Variants in SCD5 observed in about 807,000 individuals in gnomAD.
SCD5 encodes acyl-CoA-desaturase 4.
A neutral mutation model predicts 30.4 loss-of-function variants in SCD5; 20 were observed. The observed-to-expected ratio is 0.66, with a 90% CI of 0.46 to 0.96. SCD5 has a LOEUF of 0.96. SCD5 is among the 40% of genes least tolerant of loss of function. The probability of loss-of-function intolerance (pLI) is 0.00; values close to 1 mark genes in which losing one functional copy is unlikely to be tolerated. For missense variants in SCD5, 381 were observed against 443.3 expected (o/e 0.86, Z 1.26); for synonymous variants, 173 against 176.4 (o/e 0.98, Z 0.16).
At chr4:82,633,954 T>G (rs901861985) in intron 4 of SCD5, among the ~76,000 whole-genome samples, 4 of 152,188 alleles carry the variant, frequency 2.6e-5, no homozygotes, top group African/African-American at 9.6e-5. Flanking sequence ...CTGTTTTCTA[T>G]CTGTGTAGAT....
chr4:82,723,494 G>A (rs1397100766), intron 1 of SCD5, among the ~76,000 whole-genome samples: 1 of 151,994 alleles, frequency 6.6e-6, no homozygotes, highest in Non-Finnish European at 1.5e-5. Flanking sequence ...AATTTTTTCT[G>A]TAAATAAAAT....
intron 1 of SCD5, among the ~76,000 whole-genome samples, chr4:82,736,417 T>C (rs904276193): frequency 2.6e-5 from 4 of 151,960 alleles, no homozygotes; most frequent in African/African-American, 9.7e-5. Context: ...GAGACCAGCC[T>C]GGCCAACATG....
intron 3 of SCD5, among the ~76,000 whole-genome samples, chr4:82,649,528 T>C (rs1477849198): frequency 1.3e-5 from 2 of 152,322 alleles, no homozygotes; most frequent in African/African-American, 4.8e-5. Context: ...TGCTCCATCC[T>C]GTGTGCCACC....
In SCD5 at chr4:82,653,711, G is replaced by GATAGAT. The variant is rs1553914422; in HGVS notation, c.570-16894_570-16889dup. ...ATAGATAGATAGATAGATAGATATAGATAGATAGATAGATATAGATAGATA... is the reference window on the plus strand; with the variant it reads ...ATAGATAGATAGATAGATAGATATAGATAGATATAGATAGATAGATATAGATAGATA... On this transcript the variant is annotated intron_variant, in intron 3 of 4. Coordinates refer to ENST00000319540, the MANE Select transcript of SCD5 (RefSeq NM_001037582.3). Among the ~76,000 whole-genome samples the GATAGAT allele has an allele frequency of 7.5e-4, 110 of 147,516 alleles. No individual in the cohort carries two copies. The Middle Eastern group carries it at 0.011, about 15-fold the overall frequency.
At chr4:82,672,203 A>C (rs1380358090) in intron 3 of SCD5, among the ~76,000 whole-genome samples, 1 of 152,152 alleles carries the variant, frequency 6.6e-6, no homozygotes, top group African/African-American at 2.4e-5. Context: ...AATAAAAATT[A>C]GAGCAGAGAG....
At chr4:82,772,712 G>A (rs1721654226) in intron 1 of SCD5, among the ~76,000 whole-genome samples, 2 of 152,304 alleles carry the variant, frequency 1.3e-5, no homozygotes, top group African/African-American at 2.4e-5. Flanking sequence ...ACCTCTTGTA[G>A]GACCCCATGC....
At chr4:82,798,285 G>A in intron 1 of SCD5, 21 bp downstream of exon 1, 2 of 1,551,078 alleles carry the variant, frequency 1.3e-6, no homozygotes, top group Non-Finnish European at 1.7e-6. Context: ...CCGGGGCGCA[G>A]GGGGCGCCGG....
intron 3 of SCD5, among the ~76,000 whole-genome samples, chr4:82,641,877 C>T (rs1727553847): frequency 6.6e-6 from 1 of 151,970 alleles, no homozygotes; most frequent in South Asian, 2.1e-4. Context: ...TCAAGGATGA[C>T]ACCAAGGATT....
intron 2 of SCD5, among the ~76,000 whole-genome samples, chr4:82,700,008 G>C (rs1406305791): frequency 6.6e-6 from 1 of 151,864 alleles, no homozygotes; most frequent in Non-Finnish European, 1.5e-5. Context: ...CTTGAGGCCA[G>C]GAGTTTGAGA....
rs149461244 is a variant in SCD5 at position 82,631,392 on chromosome 4, G to A, written c.928C>T (p.Arg310Cys). ...ATCATCGGCTTGGTTGCCCGTTTGC[G>A]GTCAGTGGCCAGCCCCAGCCAGCAC... is the stretch of plus-strand genomic sequence containing the variant. Reference protein sequence around the residue: ...FMCWLGLATDRKRATKPMIEA... With the variant: ...FMCWLGLATDCKRATKPMIEA... Residue 310 changes from arginine to cysteine, a missense_variant, in exon 5 of 5, where the codon CGC becomes TGC. Arg to Cys is a radical substitution (Grantham distance 180). Coordinates refer to ENST00000319540, the MANE Select transcript of SCD5 (RefSeq NM_001037582.3). 1.3e-4 allele frequency: 204 copies of A among 1,614,034 alleles called. No homozygotes were observed. Among genetic ancestry groups the A allele is most frequent in the Admixed American group, 2.7e-4 (16 of 60,018 alleles).
intron 1 of SCD5, among the ~76,000 whole-genome samples, chr4:82,774,088 C>CA (rs61709785): frequency 0.037 from 3,418 of 91,380 alleles, 48 homozygotes; most frequent in African/African-American, 0.043. Flanking sequence ...GACTCCATCT[C>CA]AAAAAAAAAA....
chr4:82,690,326 A>G (rs1728804599), intron 2 of SCD5, among the ~76,000 whole-genome samples: 1 of 152,234 alleles, frequency 6.6e-6, no homozygotes, highest in Non-Finnish European at 1.5e-5. Flanking sequence ...GTACTCTAAG[A>G]GTTGGTGAAT....
At chr4:82,776,634 C>T (rs1246282298) in intron 1 of SCD5, among the ~76,000 whole-genome samples, 1 of 152,162 alleles carries the variant, frequency 6.6e-6, no homozygotes, top group Admixed American at 6.5e-5. Context: ...TTCCAACGAG[C>T]ATCTGTCTCT....
In SCD5 at chr4:82,706,936, C is replaced by G. The variant is rs187289396; in HGVS notation, c.233-1523G>C. Among the ~76,000 whole-genome samples the G allele has an allele frequency of 4.5e-3, 682 of 152,342 alleles. 3 individuals are homozygous for G. Among genetic ancestry groups the G allele is most frequent in the Non-Finnish European group, 7.6e-3 (518 of 68,036 alleles). On this transcript the variant is annotated intron_variant, in intron 1 of 4. Transcript: ENST00000319540. ...TGAAGCTCTTGGGAGGAAACCAACC[C>G]TCTGGTCATGACCCAAATGAGGAAA...
intron 1 of SCD5, among the ~76,000 whole-genome samples, chr4:82,743,327 C>G (rs1033056887): frequency 1.3e-5 from 2 of 151,904 alleles, no homozygotes; most frequent in Admixed American, 6.6e-5. Flanking sequence ...CTGGGCAACA[C>G]AGTGAGATGC....
chr4:82,754,545 C>T (rs1012940643), intron 1 of SCD5, among the ~76,000 whole-genome samples: 1 of 151,176 alleles, frequency 6.6e-6, no homozygotes, highest in African/African-American at 2.4e-5. Context: ...CAGCAGCCCA[C>T]CCTCCTAACC....
chr4:82,659,526 T>C (rs1727939655), intron 3 of SCD5, among the ~76,000 whole-genome samples: 1 of 152,216 alleles, frequency 6.6e-6, no homozygotes, highest in African/African-American at 2.4e-5. Flanking sequence ...TTCTGGTACA[T>C]TGTGTCTTTG....
chr4:82,798,387 C>T lies in SCD5; in HGVS notation c.151G>A (p.Val51Ile). 2.5e-6 allele frequency: 4 copies of T among 1,613,472 alleles called. No individual in the cohort carries two copies. The highest frequency in any genetic ancestry group is 3.4e-6 in the Non-Finnish European group (4 of 1,179,670). Residue 51 changes from valine (V) to isoleucine (I), a missense_variant, in exon 1 of 5, where the codon GTC (valine) becomes ATC (isoleucine). Transcript: ENST00000319540. ...QRQNIVWRNV[V>I]LMSLLHLGAV... The stretch of plus-strand genomic sequence containing the variant: ...CCCAAGTGGAGCAAGCTCATCAGGA[C>T]GACATTCCTCCAGACGATGTTCTGC...
chr4:82,697,940 C>T (rs759183873), intron 2 of SCD5: 11 of 453,192 alleles, frequency 2.4e-5, no homozygotes, highest in Non-Finnish European at 4.4e-5. Context: ...TTTCTCATGA[C>T]TTCCAAATGT....
Sources: allele counts gnomAD v4.1 joint callset (sites outside exome capture counted in the v4.1 genomes callset), GRCh38; gene constraint gnomAD v4.1.1; transcripts MANE v1.5; gene names NCBI Gene and HGNC (gene_info 2026-07-23, HGNC 2026-07-21).